The following DMD variants were observed in gnomAD, a reference collection of about 807,000 sequenced individuals.
DMD encodes the protein mutant dystrophin.
Under a neutral mutation model 330.1 loss-of-function variants are expected in DMD, and 63 were observed. The ratio of observed to expected loss-of-function variants is 0.19; its 90% CI spans 0.16 to 0.24. The LOEUF is 0.24. Among genes scored for constraint, DMD ranks in the 10% least tolerant of loss-of-function variants. The pLI is 1.00. For missense variants in DMD, 3,344 were observed against 2,684.1 expected, an observed-to-expected ratio of 1.25 and a Z score of -5.43; for synonymous variants, 1,223 against 959.8, an observed-to-expected ratio of 1.27 and a Z score of -5.07.
chrX:32,700,633 A>T (rs1220158510), intron 7 of DMD, among the ~76,000 whole-genome samples: 1 of 111,758 alleles, frequency 8.9e-6, no homozygotes, highest in African/African-American at 3.2e-5. Flanking sequence ...GAACGTATAC[A>T]TATTTCAAAA....
intron 9 of DMD, among the ~76,000 whole-genome samples, chrX:32,679,902 CTTTTTTTTTTTTTT>C (rs766270656): frequency 3.0e-4 from 7 of 23,599 alleles, no homozygotes; most frequent in African/African-American, 8.9e-4. Flanking sequence ...AATATTTGTA[CTTTTTTTTTTTTTT>C]TTTTTTTTTT....
chrX:32,701,824 A>C (rs930525649), intron 7 of DMD, among the ~76,000 whole-genome samples: 10 of 111,755 alleles, frequency 8.9e-5, no homozygotes, highest in South Asian at 7.3e-4. Flanking sequence ...ATTGCCCCCC[A>C]AAAAATTTCA....
chrX:32,179,367 A>C (rs1175057400), intron 44 of DMD, among the ~76,000 whole-genome samples: 1 of 111,849 alleles, frequency 8.9e-6, no homozygotes, highest in African/African-American at 3.2e-5. Context: ...ACAAACTGTC[A>C]CATGAATCAA....
chrX:31,638,882 G>A (rs1907078102), intron 54 of DMD, among the ~76,000 whole-genome samples: 2 of 111,650 alleles, frequency 1.8e-5, no homozygotes, highest in African/African-American at 6.5e-5. Flanking sequence ...CTGGTTAGGG[G>A]GCGATTGATA....
intron 12 of DMD, among the ~76,000 whole-genome samples, chrX:32,612,985 A>T (rs1032658073): frequency 3.6e-5 from 4 of 111,472 alleles, no homozygotes; most frequent in African/African-American, 1.3e-4. Flanking sequence ...GCTATATATG[A>T]CTGAATATTA....
intron 7 of DMD, among the ~76,000 whole-genome samples, chrX:32,706,532 C>A (rs193050362): frequency 9.1e-6 from 1 of 109,563 alleles, no homozygotes; most frequent in Non-Finnish European, 1.9e-5. Flanking sequence ...CCACTGCACT[C>A]CACCCTGGGT....
intron 12 of DMD, among the ~76,000 whole-genome samples, chrX:32,603,343 T>C (rs2149300938): frequency 9.0e-6 from 1 of 111,314 alleles, no homozygotes; most frequent in South Asian, 3.7e-4. Flanking sequence ...TACCTCCACC[T>C]CTGGGATACA....
chrX:32,414,448 G>C (rs970736020), intron 29 of DMD, among the ~76,000 whole-genome samples: 1 of 111,894 alleles, frequency 8.9e-6, no homozygotes, highest in African/African-American at 3.2e-5. Context: ...ATGACATTAT[G>C]TTCTTTCTTG....
chrX:32,556,204 T>C (rs1325218738), intron 16 of DMD, among the ~76,000 whole-genome samples: 4 of 111,988 alleles, frequency 3.6e-5, no homozygotes, highest in Admixed American at 1.9e-4. Context: ...CCTAAAACGA[T>C]ATGAAAGAAA....
chrX:31,976,164 G>A (rs765940044), intron 44 of DMD, among the ~76,000 whole-genome samples: 22 of 110,624 alleles, frequency 2.0e-4, no homozygotes, highest in South Asian at 7.6e-4. Context: ...GATTGAGGAG[G>A]AGTCAGTGGC....
At chrX:32,848,435 T>C (rs137917885) in intron 3 of DMD, among the ~76,000 whole-genome samples, 1,313 of 111,690 alleles carry the variant, frequency 0.012, 17 homozygotes, top group African/African-American at 0.037. Context: ...TGACCTCAAA[T>C]TGGCGCCCAG....
At chrX:32,158,123 C>T (rs1327011941) in intron 44 of DMD, among the ~76,000 whole-genome samples, 3 of 111,559 alleles carry the variant, frequency 2.7e-5, no homozygotes, top group Non-Finnish European at 5.6e-5. Context: ...GCTGTTTGAC[C>T]TTGTACAAGT....
intron 60 of DMD, among the ~76,000 whole-genome samples, chrX:31,388,171 T>G (rs1200143389): frequency 1.8e-5 from 2 of 108,395 alleles, no homozygotes; most frequent in Non-Finnish European, 1.9e-5. Context: ...GGCTAATTTT[T>G]TTTTTGTATT....
rs188766652 is a variant in DMD, at chrX:31,396,179, C to T, written c.9085-47545G>A. On this transcript the variant is annotated intron_variant, in intron 60 of 78. Coordinates refer to ENST00000357033, the MANE Select transcript of DMD (RefSeq NM_004006.3). ...TTGAGACGGAGTCTCGCTCTGTGGCCCAGGCTGGAGTGCAGTGGCGCGATC... is the reference window on the plus strand; with the variant it reads ...TTGAGACGGAGTCTCGCTCTGTGGCTCAGGCTGGAGTGCAGTGGCGCGATC... Among the ~76,000 whole-genome samples the T allele has an allele frequency of 9.8e-4, 103 of 105,509 alleles. 1 individual carries two copies. In the East Asian group the frequency reaches 0.014, roughly 15 times the overall value. 91.6% of individuals were successfully genotyped at this position (105,509 alleles called of 115,157 possible).
chrX:31,390,148 A>C (rs201103241), intron 60 of DMD, among the ~76,000 whole-genome samples: 4 of 110,386 alleles, frequency 3.6e-5, no homozygotes, highest in East Asian at 2.8e-4. Flanking sequence ...GAAAAAAAAA[A>C]CAAAAAGCCC....
At position 32,714,709 on chromosome X, in the gene DMD, A is replaced by C. The variant is rs181192331; in HGVS notation, c.650-15416T>G. Among the ~76,000 whole-genome samples the C allele has an allele frequency of 7.1e-5, 8 of 111,942 alleles. No homozygotes were observed. The East Asian group carries it at 2.2e-3, about 31-fold the overall frequency. On this transcript the variant is annotated intron_variant, in intron 7 of 78. Transcript: ENST00000357033. ...TGTGACTTCCTTTCCTCATGTCTTT[A>C]TTTATGTACTTATATACAACTTTAA...
chrX:32,656,549 G>A (rs779836561), intron 9 of DMD, among the ~76,000 whole-genome samples: 5 of 112,040 alleles, frequency 4.5e-5, no homozygotes, highest in African/African-American at 1.6e-4. Flanking sequence ...CTATAAAAAT[G>A]TATCTGTAAA....
chrX:33,134,316 T>C (rs1203412737), intron 1 of DMD, among the ~76,000 whole-genome samples: 1 of 111,705 alleles, frequency 9.0e-6, no homozygotes, highest in African/African-American at 3.3e-5. Flanking sequence ...AGAATATTTC[T>C]GGCAACAAAA....
At chrX:33,294,761 A>G (rs1603429237) in intron 1 of DMD, among the ~76,000 whole-genome samples, 1 of 110,385 alleles carries the variant, frequency 9.1e-6, no homozygotes, top group Non-Finnish European at 1.9e-5. Flanking sequence ...GAAAAAAAAA[A>G]GGGAATCAAA....
Sources: gnomAD v4.1 joint callset for allele counts (sites outside exome capture counted in the v4.1 genomes callset) on GRCh38, gnomAD v4.1.1 for gene constraint, MANE v1.5 for transcripts, NCBI Gene and HGNC (gene_info 2026-07-23, HGNC 2026-07-21) for gene names.